The following PDE4D variants were observed in gnomAD, a reference collection of about 807,000 sequenced individuals.
PDE4D encodes the protein 3',5'-cyclic-AMP phosphodiesterase 4D.
PDE4D carries 24 observed loss-of-function variants against 87.4 expected under a neutral mutation model. The observed-to-expected ratio is 0.27, with a 90% CI of 0.20 to 0.39. PDE4D has a LOEUF of 0.39. Ranked by LOEUF, PDE4D falls within the 10% of genes least tolerant of loss-of-function variation. PDE4D has a pLI of 1.00. For missense variants in PDE4D, 714 were observed against 1,041.0 expected (o/e 0.69, Z 4.32); for synonymous variants, 384 against 383.2 (o/e 1.00, Z -0.02).
intron 1 of PDE4D, among the ~76,000 whole-genome samples, chr5:60,355,734 A>G (rs1280527212): frequency 1.3e-5 from 2 of 151,982 alleles, no homozygotes; most frequent in African/African-American, 4.8e-5. Context: ...AAAGTAAGCT[A>G]GAGGAAAGAA....
At chr5:59,339,293 A>G (rs1778290614) in intron 1 of PDE4D, among the ~76,000 whole-genome samples, 1 of 152,206 alleles carries the variant, frequency 6.6e-6, no homozygotes, top group Non-Finnish European at 1.5e-5. Flanking sequence ...TTTTCCTGAA[A>G]TATTTTATAT....
chr5:59,761,084 G>A (rs1033569649), intron 1 of PDE4D, among the ~76,000 whole-genome samples: 10 of 152,264 alleles, frequency 6.6e-5, no homozygotes, highest in African/African-American at 2.4e-4. Flanking sequence ...CTACAAACCT[G>A]TACAGCATGT....
chr5:60,116,247 C>G (rs1778163668), intron 2 of PDE4D, among the ~76,000 whole-genome samples: 1 of 152,090 alleles, frequency 6.6e-6, no homozygotes, highest in Non-Finnish European at 1.5e-5. Context: ...ATGTGCAACA[C>G]AGACCAACCT....
At chr5:59,412,838 TGAATTTTTTATAG>T (rs1419521903) in intron 1 of PDE4D, among the ~76,000 whole-genome samples, 1 of 152,230 alleles carries the variant, frequency 6.6e-6, no homozygotes, top group Non-Finnish European at 1.5e-5. Context: ...CTGATATCCC[TGAATTTTTTATAG>T]GTATAAGGTT....
intron 3 of PDE4D, among the ~76,000 whole-genome samples, chr5:59,916,504 G>A (rs2152774741): frequency 6.6e-6 from 1 of 152,200 alleles, no homozygotes; most frequent in African/African-American, 2.4e-5. Context: ...CTTATTAAAA[G>A]GTAAACTGTA....
At position 59,178,277 on chromosome 5, in the gene PDE4D, TAGTC is replaced by T. The variant is rs147182961; in HGVS notation, c.808+2314_808+2317del. ...GGCAAGAAAAACGACTTCCCAGTTT[TAGTC>T]AGTTCATTTCCTGTTGTGCTTTGTG... On this transcript the variant is annotated intron_variant, in intron 5 of 14. Coordinates refer to ENST00000340635, the MANE Select transcript of PDE4D (RefSeq NM_001104631.2). Among the ~76,000 whole-genome samples, 146 of 152,302 alleles carry T rather than the reference TAGTC, an allele frequency of 9.6e-4. 1 individual carries two copies. The East Asian group carries it at 0.022, about 23-fold the overall frequency.
At chr5:60,482,828 T>C (rs1472696374) in intron 1 of PDE4D, among the ~76,000 whole-genome samples, 1 of 152,218 alleles carries the variant, frequency 6.6e-6, no homozygotes, top group Non-Finnish European at 1.5e-5. Context: ...TTTTATAACA[T>C]AATTGTATAT....
intron 1 of PDE4D, among the ~76,000 whole-genome samples, chr5:60,477,237 A>G (rs1304372570): frequency 6.6e-6 from 1 of 152,212 alleles, no homozygotes; most frequent in Non-Finnish European, 1.5e-5. Context: ...GAAATTGATT[A>G]GAGGCAGAAT....
intron 1 of PDE4D, among the ~76,000 whole-genome samples, chr5:59,427,000 C>T (rs1443244888): frequency 2.1e-3 from 2 of 934 alleles, no homozygotes; most frequent in South Asian, 0.045. Context: ...TGAAGCTATA[C>T]ACACACACAC....
chr5:60,016,663 T>C (rs1765553295), intron 2 of PDE4D, among the ~76,000 whole-genome samples: 1 of 152,218 alleles, frequency 6.6e-6, no homozygotes, highest in Admixed American at 6.5e-5. Context: ...CAGATGTAGA[T>C]TCCATTTCAA....
At chr5:59,368,618 A>AT (rs1462445096) in intron 1 of PDE4D, among the ~76,000 whole-genome samples, 1 of 152,214 alleles carries the variant, frequency 6.6e-6, no homozygotes, top group African/African-American at 2.4e-5. Context: ...GAAAAACCAA[A>AT]TTTTGGATAC....
chr5:59,430,407 T>C, intron 1 of PDE4D: 1 of 1,231,246 alleles, frequency 8.1e-7, no homozygotes, highest in Non-Finnish European at 1.0e-6. Context: ...CACAGCTGCT[T>C]GGCAAACTCA....
intron 1 of PDE4D, among the ~76,000 whole-genome samples, chr5:59,825,389 G>T (rs1293177844): frequency 1.3e-5 from 2 of 152,144 alleles, no homozygotes; most frequent in African/African-American, 4.8e-5. Context: ...AATACAGCAT[G>T]CCATGTCTGC....
intron 1 of PDE4D, among the ~76,000 whole-genome samples, chr5:59,401,343 T>G (rs1447005384): frequency 1.3e-5 from 2 of 152,120 alleles, no homozygotes; most frequent in African/African-American, 2.4e-5. Flanking sequence ...CACCTGTAGA[T>G]CGCTGGAGCC....
At chr5:59,515,860 T>C (rs746436490) in intron 1 of PDE4D, among the ~76,000 whole-genome samples, 4 of 152,162 alleles carry the variant, frequency 2.6e-5, no homozygotes, top group African/African-American at 4.8e-5. Context: ...GTGTCAAAGG[T>C]AACACTACCA....
At chr5:60,311,997 T>C (rs1014120143) in intron 1 of PDE4D, among the ~76,000 whole-genome samples, 2 of 152,210 alleles carry the variant, frequency 1.3e-5, no homozygotes, top group Non-Finnish European at 2.9e-5. Context: ...AAGACCTAAC[T>C]ATCCTAAATA....
chr5:59,639,328 A>T (rs749447859), intron 1 of PDE4D, among the ~76,000 whole-genome samples: 1 of 152,198 alleles, frequency 6.6e-6, no homozygotes, highest in Non-Finnish European at 1.5e-5. Flanking sequence ...CCTACAAAGA[A>T]GAGAAAATCT....
chr5:59,085,803 G>A (rs1334004317), intron 5 of PDE4D, among the ~76,000 whole-genome samples: 2 of 152,172 alleles, frequency 1.3e-5, no homozygotes, highest in Admixed American at 6.6e-5. Flanking sequence ...ACAAACATTA[G>A]ATGTTACTGG....
intron 5 of PDE4D, among the ~76,000 whole-genome samples, chr5:59,116,518 T>TA: frequency 6.6e-6 from 1 of 152,270 alleles, no homozygotes. Context: ...AGAGTGCTTT[T>TA]AAAAATCAGC....
Sources: gnomAD v4.1 joint callset for allele counts (sites outside exome capture counted in the v4.1 genomes callset) on GRCh38, gnomAD v4.1.1 for gene constraint, MANE v1.5 for transcripts, NCBI Gene and HGNC (gene_info 2026-07-23, HGNC 2026-07-21) for gene names.